RALYL: variants seen among roughly 807,000 people sequenced by gnomAD.
RALYL encodes RNA-binding Raly-like protein.
A neutral mutation model predicts 35.1 loss-of-function variants in RALYL; 29 were observed. The ratio of observed to expected loss-of-function variants is 0.83; its 90% confidence interval spans 0.61 to 1.13. The LOEUF is 1.13. RALYL is among the 50% of genes most tolerant of loss of function. RALYL has a pLI of 0.00. For synonymous variants in RALYL, 120 were observed against 127.6 expected (o/e 0.94, Z 0.40); for missense variants, 359 against 360.4 (o/e 1.00, Z 0.03).
At chr8:84,373,548 C>T (rs757084261) in intron 1 of RALYL, among the ~76,000 whole-genome samples, 29 of 151,686 alleles carry the variant, frequency 1.9e-4, no homozygotes, top group Non-Finnish European at 3.2e-4. Flanking sequence ...GCCTCATCTT[C>T]GGGTCTCTAT....
At chr8:84,853,221 G>T (rs1381637622) in intron 5 of RALYL, among the ~76,000 whole-genome samples, 1 of 152,138 alleles carries the variant, frequency 6.6e-6, no homozygotes, top group Non-Finnish European at 1.5e-5. Flanking sequence ...GAGTCGCTCT[G>T]GTTTGAATGC....
At chr8:84,184,845 TC>T in intron 1 of RALYL, 3 of 874,064 alleles carry the variant, frequency 3.4e-6, no homozygotes, top group Non-Finnish European at 5.5e-6. Context: ...GAGGGGACCC[TC>T]AGAGCACCCG....
At chr8:84,770,941 G>A (rs1000001762) in intron 2 of RALYL, among the ~76,000 whole-genome samples, 19 of 151,976 alleles carry the variant, frequency 1.3e-4, no homozygotes, top group African/African-American at 4.6e-4. Flanking sequence ...GTAGATTCTC[G>A]ATTTTAGTCC....
intron 4 of RALYL, among the ~76,000 whole-genome samples, chr8:84,805,558 C>T (rs1242121407): frequency 6.6e-6 from 1 of 152,054 alleles, no homozygotes; most frequent in African/African-American, 2.4e-5. Context: ...GTGGCACACA[C>T]CTGTAATCCC....
rs1554771621 is a variant in RALYL at position 84,669,493 on chromosome 8, C to CG, written c.257-105086_257-105085insG. ...ACATCTTCTCCCTCCCCCCTCCCCC[C>CG]CCCCCCACTCTATTAGTTCACAGTG... On this transcript the variant is annotated intron_variant, in intron 2 of 8. Coordinates refer to ENST00000521268, the MANE Select transcript of RALYL (RefSeq NM_173848.7). 8.1e-5 allele frequency among the ~76,000 whole-genome samples: 5 copies of CG among 61,950 alleles called. No homozygotes were observed. In the South Asian group the frequency reaches 2.8e-3, roughly 35 times the overall value. 40.6% of individuals were successfully genotyped at this position (61,950 alleles called of 152,430 possible). A position where few individuals can be genotyped will look rare whatever the true frequency, so the allele number is the denominator to read the frequency against.
At chr8:84,193,979 G>C (rs1586067984) in intron 1 of RALYL, among the ~76,000 whole-genome samples, 1 of 152,160 alleles carries the variant, frequency 6.6e-6, no homozygotes, top group Admixed American at 6.5e-5. Context: ...AGATTTGAAA[G>C]CCTGAAGAGC....
At chr8:84,492,931 C>T (rs1467886481) in intron 1 of RALYL, among the ~76,000 whole-genome samples, 1 of 150,444 alleles carries the variant, frequency 6.6e-6, no homozygotes, top group Non-Finnish European at 1.5e-5. Flanking sequence ...ACTCTAAGTT[C>T]TGGGATACAT....
At chr8:84,653,109 G>T (rs1017561460) in intron 2 of RALYL, among the ~76,000 whole-genome samples, 3 of 152,030 alleles carry the variant, frequency 2.0e-5, no homozygotes, top group Non-Finnish European at 4.4e-5. Context: ...GTGCGTACCA[G>T]AGTATAATAT....
At chr8:84,475,916 T>C (rs2053348411) in intron 1 of RALYL, among the ~76,000 whole-genome samples, 1 of 152,206 alleles carries the variant, frequency 6.6e-6, no homozygotes, top group Non-Finnish European at 1.5e-5. Context: ...GTTTTTAAAT[T>C]TGGCATTAAT....
intron 1 of RALYL, among the ~76,000 whole-genome samples, chr8:84,262,587 T>TGTAAAATAAC (rs1310023571): frequency 1.3e-5 from 2 of 152,184 alleles, no homozygotes; most frequent in Non-Finnish European, 2.9e-5. Flanking sequence ...TATCCTGTTC[T>TGTAAAATAAC]GTAAAATAAC....
chr8:84,848,507 T>C (rs182682929), intron 4 of RALYL, among the ~76,000 whole-genome samples: 76 of 152,036 alleles, frequency 5.0e-4, no homozygotes, highest in African/African-American at 1.8e-3. Context: ...AATGAAATTC[T>C]GATACATACT....
chr8:84,812,244 C>T (rs190267420), intron 4 of RALYL, among the ~76,000 whole-genome samples: 61 of 152,038 alleles, frequency 4.0e-4, no homozygotes, highest in Admixed American at 1.6e-3. Flanking sequence ...TCCTGTGAGC[C>T]GAACTACACT....
chr8:84,552,358 ATTTTTTTT>A (rs1167949176), intron 2 of RALYL, among the ~76,000 whole-genome samples: 2 of 30,638 alleles, frequency 6.5e-5, no homozygotes, highest in East Asian at 2.5e-3. Context: ...ATATATATAT[ATTTTTTTT>A]TTTTTTTTTT....
chr8:84,402,165 T>A, intron 1 of RALYL, among the ~76,000 whole-genome samples: 1 of 152,226 alleles, frequency 6.6e-6, no homozygotes, highest in East Asian at 1.9e-4. Context: ...TTTGTTTTAT[T>A]TAAATTATTG....
In RALYL at chr8:84,689,007, C is replaced by T. The variant is rs141834451; in HGVS notation, c.257-85572C>T. On this transcript the variant is annotated intron_variant, in intron 2 of 8. Transcript: ENST00000521268. Reference sequence around the variant, plus strand: ...CTATCAGGAAAATGCAAATCCAAACCGCAATAAGATATTAACTCATACACT... The same window carrying T: ...CTATCAGGAAAATGCAAATCCAAACTGCAATAAGATATTAACTCATACACT... Among the ~76,000 whole-genome samples, 234 of 151,366 alleles carry T rather than the reference C, an allele frequency of 1.5e-3. 1 individual carries two copies. The highest frequency in any genetic ancestry group is 5.2e-3 in the African/African-American group (216 of 41,366).
At chr8:84,301,347 G>A (rs1157709137) in intron 1 of RALYL, among the ~76,000 whole-genome samples, 2 of 151,976 alleles carry the variant, frequency 1.3e-5, no homozygotes, top group African/African-American at 4.8e-5. Context: ...TGGAGAATAT[G>A]ATGACTATAT....
intron 1 of RALYL, among the ~76,000 whole-genome samples, chr8:84,229,703 G>A (rs887448228): frequency 3.9e-5 from 6 of 152,152 alleles, no homozygotes; most frequent in African/African-American, 1.4e-4. Context: ...AAAGAGGATG[G>A]AACTTACAGA....
chr8:84,375,229 CAG>C (rs2131512883), intron 1 of RALYL, among the ~76,000 whole-genome samples: 1 of 151,890 alleles, frequency 6.6e-6, no homozygotes, highest in South Asian at 2.1e-4. Context: ...TCAAGATATT[CAG>C]AGTCATTTTC....
chr8:84,315,160 G>A (rs1460112627), intron 1 of RALYL, among the ~76,000 whole-genome samples: 1 of 152,004 alleles, frequency 6.6e-6, no homozygotes, highest in Non-Finnish European at 1.5e-5. Flanking sequence ...ATAAGCCAGA[G>A]GTTAAATAAA....
Sources: allele counts gnomAD v4.1 joint callset (sites outside exome capture counted in the v4.1 genomes callset), GRCh38; gene constraint gnomAD v4.1.1; transcripts MANE v1.5; gene names NCBI Gene and HGNC (gene_info 2026-07-23, HGNC 2026-07-21).